The following CDC42SE2 variants were observed in gnomAD, a reference collection of about 807,000 sequenced individuals.
The protein encoded by CDC42SE2 is CDC42 small effector 2.
CDC42SE2 carries 3 observed loss-of-function variants against 11.5 expected under a neutral mutation model. That is an observed-to-expected ratio of 0.26 (90% CI 0.12 to 0.67). The LOEUF (loss-of-function observed/expected upper bound fraction) is 0.67, where lower values mean the gene tolerates loss of function less well. Among genes scored for constraint, CDC42SE2 ranks in the 30% least tolerant of loss-of-function variants. The probability of loss-of-function intolerance (pLI) is 0.80; values close to 1 mark genes in which losing one functional copy is unlikely to be tolerated. For synonymous variants in CDC42SE2, 33 were observed against 34.8 expected (o/e 0.95, Z 0.18); for missense variants, 82 against 106.8 (o/e 0.77, Z 1.02).
intron 1 of CDC42SE2, among the ~76,000 whole-genome samples, chr5:131,314,275 G>T (rs1159466146): frequency 1.3e-5 from 2 of 150,460 alleles, no homozygotes; most frequent in Non-Finnish European, 3.0e-5. Flanking sequence ...TCTGTTGCCG[G>T]GGTTGGAGTT....
At chr5:131,275,439 G>A (rs1580725540) in intron 1 of CDC42SE2, among the ~76,000 whole-genome samples, 1 of 152,052 alleles carries the variant, frequency 6.6e-6, no homozygotes, top group Non-Finnish European at 1.5e-5. Flanking sequence ...TGGGATTACA[G>A]GAGTCCACCA....
At chr5:131,303,054 G>T (rs1286861487) in intron 1 of CDC42SE2, among the ~76,000 whole-genome samples, 1 of 152,056 alleles carries the variant, frequency 6.6e-6, no homozygotes, top group Non-Finnish European at 1.5e-5. Flanking sequence ...CTACATTATT[G>T]CCCAGATGAC....
intron 1 of CDC42SE2, among the ~76,000 whole-genome samples, chr5:131,305,430 C>T (rs539492079): frequency 6.6e-5 from 10 of 152,208 alleles, no homozygotes; most frequent in African/African-American, 1.7e-4. Flanking sequence ...GAAGCAAGTA[C>T]GTATATAGAT....
At chr5:131,318,356 T>A (rs899868806) in intron 2 of CDC42SE2, among the ~76,000 whole-genome samples, 4 of 152,206 alleles carry the variant, frequency 2.6e-5, no homozygotes, top group African/African-American at 9.6e-5. Context: ...AAGGTCAACT[T>A]TAATGTGCTG....
chr5:131,282,263 A>G (rs1161816697), intron 1 of CDC42SE2, among the ~76,000 whole-genome samples: 1 of 152,254 alleles, frequency 6.6e-6, no homozygotes, highest in Non-Finnish European at 1.5e-5. Context: ...TGTTATATAC[A>G]TAGAGAAGTC....
chr5:131,259,331 A>G (rs1488463329), upstream of CDC42SE2, among the ~76,000 whole-genome samples: 1 of 152,230 alleles, frequency 6.6e-6, no homozygotes, highest in East Asian at 1.9e-4. Context: ...TACATGTTGA[A>G]TAATTTGTTT....
intron 1 of CDC42SE2, among the ~76,000 whole-genome samples, chr5:131,266,778 A>G (rs1213173674): frequency 6.6e-6 from 1 of 152,012 alleles, no homozygotes. Flanking sequence ...TAATTCTTCA[A>G]ATTTTAGTGA....
the CDC42SE2 span, among the ~76,000 whole-genome samples, chr5:131,229,656 G>A: frequency 2.3e-4 from 35 of 152,188 alleles, no homozygotes; most frequent in Admixed American, 2.0e-3. Flanking sequence ...GAGAAAGGCC[G>A]GGCATAGTGG....
At chr5:131,213,494 G>A in the CDC42SE2 span, among the ~76,000 whole-genome samples, 4 of 151,964 alleles carry the variant, frequency 2.6e-5, no homozygotes, top group East Asian at 1.9e-4. Context: ...TATCACTCAG[G>A]GTGGAGTGCA....
the CDC42SE2 span, among the ~76,000 whole-genome samples, chr5:131,236,662 A>G: frequency 6.6e-6 from 1 of 152,152 alleles, no homozygotes; most frequent in Non-Finnish European, 1.5e-5. Flanking sequence ...CCTGACTTCA[A>G]GTGATCTGCC....
rs1325998349 is a variant in CDC42SE2, at chr5:131,308,496, C to A, written c.-454-7480C>A. Among the ~76,000 whole-genome samples, 484 of 151,876 alleles carry A rather than the reference C, an allele frequency of 3.2e-3. 2 individuals are homozygous for A. The highest frequency in any genetic ancestry group is 0.011 in the African/African-American group (461 of 41,406). ...ATTCTGTGAAGAAAGGCATTGGTAGCTTGATGGGGATGGCATTGAATCTGT... is the reference window on the plus strand; with the variant it reads ...ATTCTGTGAAGAAAGGCATTGGTAGATTGATGGGGATGGCATTGAATCTGT... On this transcript the variant is annotated intron_variant, in intron 1 of 4. Coordinates refer to ENST00000505065, the MANE Select transcript of CDC42SE2 (RefSeq NM_001375635.1).
chr5:131,318,743 T>G (rs1357945306), intron 2 of CDC42SE2, among the ~76,000 whole-genome samples: 1 of 152,224 alleles, frequency 6.6e-6, no homozygotes. Flanking sequence ...GGATTTTGTC[T>G]TACATTTTTG....
At chr5:131,372,496 G>C (rs1030177853) in intron 3 of CDC42SE2, among the ~76,000 whole-genome samples, 7 of 151,936 alleles carry the variant, frequency 4.6e-5, no homozygotes, top group African/African-American at 1.7e-4. Flanking sequence ...GGTGGATCAC[G>C]ACGTCAGGAG....
rs368249272 is a variant in CDC42SE2 at position 131,329,257 on chromosome 5, T to C, written c.-286+13113T>C. ...CTTTTAAGTCCTACCTCTGCTTCCC[T>C]TTGCTTCAGGCTCCAGGTTACCAGT... On this transcript the variant is annotated intron_variant, in intron 2 of 4. Coordinates refer to ENST00000505065, the MANE Select transcript of CDC42SE2 (RefSeq NM_001375635.1). 1.8e-4 allele frequency among the ~76,000 whole-genome samples: 28 copies of C among 152,342 alleles called. 1 individual carries two copies. The South Asian group carries it at 5.4e-3, about 29-fold the overall frequency.
chr5:131,322,533 G>T (rs1463292912), intron 2 of CDC42SE2, among the ~76,000 whole-genome samples: 1 of 152,132 alleles, frequency 6.6e-6, no homozygotes, highest in East Asian at 1.9e-4. Context: ...TTTTAAAAGA[G>T]ATTAGATCTT....
intron 2 of CDC42SE2, among the ~76,000 whole-genome samples, chr5:131,350,166 A>C (rs915548510): frequency 6.6e-6 from 1 of 152,072 alleles, no homozygotes; most frequent in African/African-American, 2.4e-5. Context: ...CTATGTAGCA[A>C]ATGAGCAATA....
rs554621676 is a variant in CDC42SE2, at chr5:131,266,167, T to G, written c.-455+2001T>G. ...AATTTAAAAGGATGAGATTTGTAGT[T>G]TTGCATTTATTCTGAACATAAGGTT... On this transcript the variant is annotated intron_variant, in intron 1 of 4. Coordinates refer to ENST00000505065, the MANE Select transcript of CDC42SE2 (RefSeq NM_001375635.1). Among the ~76,000 whole-genome samples the G allele has an allele frequency of 9.8e-5, 15 of 152,302 alleles. No homozygotes were observed. The South Asian group carries it at 3.1e-3, about 32-fold the overall frequency.
At chr5:131,354,024 G>A (rs1749458966) in intron 2 of CDC42SE2, among the ~76,000 whole-genome samples, 2 of 152,088 alleles carry the variant, frequency 1.3e-5, no homozygotes, top group East Asian at 1.9e-4. Flanking sequence ...CAGATTACTT[G>A]AGCCCAGGAG....
chr5:131,241,199 C>A (rs536389663), upstream of CDC42SE2, among the ~76,000 whole-genome samples: 1 of 152,052 alleles, frequency 6.6e-6, no homozygotes, highest in Non-Finnish European at 1.5e-5. Flanking sequence ...AGGATGGTCT[C>A]GATCTCCTGA....
Sources: allele counts gnomAD v4.1 joint callset (sites outside exome capture counted in the v4.1 genomes callset), GRCh38; gene constraint gnomAD v4.1.1; transcripts MANE v1.5; gene names NCBI Gene and HGNC (gene_info 2026-07-23, HGNC 2026-07-21).